C8orf34: variants seen among roughly 807,000 people sequenced by gnomAD.
C8orf34 encodes chromosome 8 open reading frame 34.
C8orf34 carries 65 observed loss-of-function variants against 68.3 expected under a neutral mutation model. The observed-to-expected ratio is 0.95, with a 90% CI of 0.78 to 1.17. C8orf34 has a LOEUF of 1.17. C8orf34 is among the 50% of genes most tolerant of loss of function. The pLI is 0.00. For synonymous variants in C8orf34, 244 were observed against 241.2 expected, an observed-to-expected ratio of 1.01 and a Z score of -0.11; for missense variants, 664 against 655.4, an observed-to-expected ratio of 1.01 and a Z score of -0.14.
chr8:68,745,857 A>G (rs1227095959), intron 10 of C8orf34, among the ~76,000 whole-genome samples: 2 of 152,166 alleles, frequency 1.3e-5, no homozygotes, highest in African/African-American at 4.8e-5. Context: ...ATACCCAGGA[A>G]TTGAACTCAG....
At chr8:68,696,227 TAATA>T (rs1404148629) in intron 8 of C8orf34, among the ~76,000 whole-genome samples, 1 of 148,056 alleles carries the variant, frequency 6.8e-6, no homozygotes, top group Non-Finnish European at 1.5e-5. Context: ...GTAAAATATA[TAATA>T]AATATATAAT....
intron 3 of C8orf34, among the ~76,000 whole-genome samples, chr8:68,451,811 A>T (rs1166505721): frequency 6.6e-6 from 1 of 152,068 alleles, no homozygotes; most frequent in African/African-American, 2.4e-5. Context: ...AAACGAGCAC[A>T]TGCTGTTGGA....
intron 8 of C8orf34, among the ~76,000 whole-genome samples, chr8:68,692,557 A>T (rs1820715254): frequency 6.6e-6 from 1 of 152,062 alleles, no homozygotes; most frequent in Admixed American, 6.6e-5. Flanking sequence ...GAAAAGTTAT[A>T]ACAAAAAAAG....
chr8:68,459,289 GCA>G (rs1811684746), intron 3 of C8orf34, among the ~76,000 whole-genome samples: 1 of 152,022 alleles, frequency 6.6e-6, no homozygotes, highest in African/African-American at 2.4e-5. Context: ...GAGTGCAGTG[GCA>G]TGGTCTCAGT....
intron 10 of C8orf34, among the ~76,000 whole-genome samples, 165 bp downstream of exon 10, chr8:68,721,602 AGT>A (rs2129526469): frequency 6.6e-6 from 1 of 152,100 alleles, no homozygotes; most frequent in Non-Finnish European, 1.5e-5. Context: ...AGATGGGAAA[AGT>A]GAAGTTCTGG....
At chr8:68,684,403 A>T (rs1434458107) in intron 8 of C8orf34, among the ~76,000 whole-genome samples, 1 of 152,174 alleles carries the variant, frequency 6.6e-6, no homozygotes, top group Non-Finnish European at 1.5e-5. Context: ...GCCAGTTTGG[A>T]TGGACATTGG....
At chr8:68,657,301 G>C (rs542721367) in intron 8 of C8orf34, among the ~76,000 whole-genome samples, 30 of 152,254 alleles carry the variant, frequency 2.0e-4, no homozygotes, top group African/African-American at 6.5e-4. Flanking sequence ...TATATATTAA[G>C]AGGTGGGGCC....
intron 1 of C8orf34, among the ~76,000 whole-genome samples, chr8:68,337,319 T>A (rs559199235): frequency 6.6e-6 from 1 of 152,314 alleles, no homozygotes; most frequent in South Asian, 2.1e-4. Context: ...AACACAGCAT[T>A]GTTTTGTGAT....
chr8:68,401,450 T>C (rs74375548), intron 1 of C8orf34, among the ~76,000 whole-genome samples: 2,717 of 152,226 alleles, frequency 0.018, 104 homozygotes, highest in African/African-American at 0.062. Flanking sequence ...CCTCGTCTTA[T>C]TCTAATTCAT....
intron 8 of C8orf34, among the ~76,000 whole-genome samples, chr8:68,693,354 T>C (rs1053062251): frequency 2.0e-5 from 3 of 152,058 alleles, no homozygotes; most frequent in African/African-American, 7.2e-5. Flanking sequence ...AGCCCTAAAG[T>C]CAAAACACAT....
At chr8:68,717,615 A>C (rs759939567) in intron 9 of C8orf34, among the ~76,000 whole-genome samples, 6 of 152,136 alleles carry the variant, frequency 3.9e-5, no homozygotes, top group African/African-American at 7.2e-5. Flanking sequence ...CCTAATTATT[A>C]AGTGGTGGGT....
At chr8:68,643,612 C>T (rs1487910710) in intron 8 of C8orf34, among the ~76,000 whole-genome samples, 4 of 152,054 alleles carry the variant, frequency 2.6e-5, no homozygotes, top group Non-Finnish European at 4.4e-5. Flanking sequence ...CTCATGGTGT[C>T]CTCCCATGGT....
intron 7 of C8orf34, among the ~76,000 whole-genome samples, chr8:68,608,813 A>T: frequency 6.6e-6 from 1 of 152,070 alleles, no homozygotes; most frequent in East Asian, 1.9e-4. Context: ...CCAACAGAGG[A>T]AGGATGAATG....
chr8:68,452,917 G>T (rs1811404738), intron 3 of C8orf34, among the ~76,000 whole-genome samples: 1 of 151,524 alleles, frequency 6.6e-6, no homozygotes, highest in South Asian at 2.1e-4. Context: ...GTGGGTAGTT[G>T]TTCCATTTTG....
intron 12 of C8orf34, among the ~76,000 whole-genome samples, chr8:68,810,226 G>A: frequency 6.6e-6 from 1 of 152,204 alleles, no homozygotes; most frequent in East Asian, 1.9e-4. Flanking sequence ...GGGTGCGTGA[G>A]TGAGCGGGCA....
At chr8:68,373,385 C>T (rs1158440781) in intron 1 of C8orf34, among the ~76,000 whole-genome samples, 2 of 152,126 alleles carry the variant, frequency 1.3e-5, no homozygotes, top group African/African-American at 4.8e-5. Context: ...TGAAATAATC[C>T]AGCTCTCTCT....
intron 11 of C8orf34, among the ~76,000 whole-genome samples, chr8:68,786,678 T>C (rs961199115): frequency 6.6e-6 from 1 of 152,186 alleles, no homozygotes; most frequent in Non-Finnish European, 1.5e-5. Context: ...GAGAATAGTA[T>C]GATAGAACAT....
intron 7 of C8orf34, among the ~76,000 whole-genome samples, chr8:68,559,106 T>A (rs572205478): frequency 6.6e-6 from 1 of 152,152 alleles, no homozygotes; most frequent in Admixed American, 6.5e-5. Flanking sequence ...GGTAAGATCA[T>A]ATTTACATTT....
At chr8:68,754,603 G>A (rs1458286882) in intron 10 of C8orf34, among the ~76,000 whole-genome samples, 2 of 152,202 alleles carry the variant, frequency 1.3e-5, no homozygotes, top group Non-Finnish European at 2.9e-5. Flanking sequence ...CAGCCACAGT[G>A]AATTAACGTC....
Sources: gnomAD v4.1 joint callset for allele counts (sites outside exome capture counted in the v4.1 genomes callset) on GRCh38, gnomAD v4.1.1 for gene constraint, MANE v1.5 for transcripts, NCBI Gene and HGNC (gene_info 2026-07-23, HGNC 2026-07-21) for gene names.